GPI: variants seen among roughly 807,000 people sequenced by gnomAD.
GPI encodes glucose-6-phosphate isomerase.
Under a neutral mutation model 75.8 loss-of-function variants are expected in GPI, and 56 were observed. That is an observed-to-expected ratio of 0.74 (90% CI 0.60 to 0.92). GPI has a LOEUF of 0.92. GPI is among the 40% of genes least tolerant of loss of function. GPI has a pLI of 0.00. For synonymous variants in GPI, 288 were observed against 285.4 expected, an observed-to-expected ratio of 1.01 and a Z score of -0.09; for missense variants, 638 against 741.0, an observed-to-expected ratio of 0.86 and a Z score of 1.61.
intron 6 of GPI, 60 bp from the exon 7 acceptor site, chr19:34,378,874 G>A: frequency 2.3e-6 from 3 of 1,301,568 alleles, no homozygotes; most frequent in Admixed American, 3.4e-5. Flanking sequence ...CTGAACCCTG[G>A]CTCAAGGCCT....
At chr19:34,381,362 G>A in intron 8 of GPI, 104 bp from the exon 9 acceptor site, 1 of 826,982 alleles carries the variant, frequency 1.2e-6, no homozygotes, top group Non-Finnish European at 2.1e-6. Context: ...GGGAAGGTGA[G>A]GCTCAGCTCA....
chr19:34,377,327 AAAAAAAAAAATAT>A (rs2074556502), intron 4 of GPI, among the ~76,000 whole-genome samples, 163 bp from the exon 5 acceptor site: 2 of 93,054 alleles, frequency 2.1e-5, no homozygotes, highest in African/African-American at 1.0e-4. Context: ...AAAAAAAAAA[AAAAAAAAAAATAT>A]ATATATATAT....
intron 1 of GPI, chr19:34,366,078 G>A: frequency 1.5e-6 from 1 of 671,636 alleles, no homozygotes; most frequent in South Asian, 1.5e-5. Context: ...CCCTGGGAAG[G>A]GGTGGTCCCC....
chr19:34,371,570 G>T lies in GPI; in HGVS notation c.402+2868G>T, dbSNP rs982971729. On this transcript the variant is annotated intron_variant, in intron 4 of 17. Transcript: ENST00000356487. Reference sequence around the variant, plus strand: ...ATTGTAATAAAGATAGACACATTTGGCTTGGTGCAGTGGCTCACACCTGTA... The same window carrying T: ...ATTGTAATAAAGATAGACACATTTGTCTTGGTGCAGTGGCTCACACCTGTA... Among the ~76,000 whole-genome samples, 6 of 152,204 alleles carry T rather than the reference G, an allele frequency of 3.9e-5. No homozygotes were observed. In the East Asian group the frequency reaches 1.2e-3, roughly 29 times the overall value.
At chr19:34,391,277 G>A (rs1568344022) in intron 9 of GPI, among the ~76,000 whole-genome samples, 3 of 147,282 alleles carry the variant, frequency 2.0e-5, no homozygotes, top group East Asian at 4.0e-4. Context: ...ATCTGGGTCT[G>A]TCCATGTCTA....
intron 3 of GPI, chr19:34,367,095 C>T (rs1031142712): frequency 2.9e-5 from 19 of 652,148 alleles, no homozygotes; most frequent in Non-Finnish European, 5.3e-5. Flanking sequence ...TATCTCATAC[C>T]CACAGGGAGA....
intron 12 of GPI, among the ~76,000 whole-genome samples, chr19:34,395,672 T>C (rs1450560431): frequency 6.6e-6 from 1 of 152,152 alleles, no homozygotes; most frequent in African/African-American, 2.4e-5. Context: ...TTCCTGGGCA[T>C]GAGTCCTTCC....
In GPI at chr19:34,378,458, A is replaced by AC. The variant is rs8191375; in HGVS notation, c.634-469dup. Among the ~76,000 whole-genome samples, 69 of 150,720 alleles carry AC rather than the reference A, an allele frequency of 4.6e-4. 1 individual carries two copies. Among genetic ancestry groups the AC allele is most frequent in the African/African-American group, 1.1e-3 (43 of 40,938 alleles). On this transcript the variant is annotated intron_variant, in intron 6 of 17. Coordinates refer to ENST00000356487, the MANE Select transcript of GPI (RefSeq NM_000175.5). Reference sequence around the variant, plus strand: ...TTGAACTCCTGACCTCAGGTGATGCACCCCCCCTTGGCCTCCCAAAGTGCT... The same window carrying AC: ...TTGAACTCCTGACCTCAGGTGATGCACCCCCCCCTTGGCCTCCCAAAGTGCT...
chr19:34,363,633 A>G (rs1205724975), upstream of GPI, among the ~76,000 whole-genome samples: 1 of 152,210 alleles, frequency 6.6e-6, no homozygotes, highest in African/African-American at 2.4e-5. Context: ...CATCCTGGCC[A>G]ACATGGTGAA....
chr19:34,399,144 T>C, intron 14 of GPI, 63 bp from the exon 15 acceptor site: 1 of 1,555,700 alleles, frequency 6.4e-7, no homozygotes, highest in South Asian at 1.2e-5. Context: ...TACCAGGCGG[T>C]CTTGTCCCTC....
intron 14 of GPI, 87 bp from the exon 15 acceptor site, chr19:34,399,120 C>A: frequency 7.4e-7 from 1 of 1,354,792 alleles, no homozygotes; most frequent in Non-Finnish European, 1.0e-6. Flanking sequence ...CTGGGACTGA[C>A]CCCTGCTGAG....
Position 34,365,279 on chromosome 19 carries a change from AC to A in GPI, c.16del (p.Arg6GlyfsTer19). 1 of 1,577,396 alleles carries A rather than the reference AC, an allele frequency of 6.3e-7. No individual in the cohort carries two copies. ...TTCTAGTCCCGCCATGGCCGCTCTC[AC>A]CCGGGACCCCCAGTTCCAGAAGCTG... MAAL[T>X]RDPQFQKLQQ... On this transcript the variant is annotated frameshift_variant, in exon 1 of 18. Transcript: ENST00000356487. LOFTEE classifies it high-confidence loss of function.
chr19:34,366,536 T>TCTCATTAGAC, intron 2 of GPI, 101 bp downstream of exon 2: 1 of 853,116 alleles, frequency 1.2e-6, no homozygotes, highest in Non-Finnish European at 2.1e-6. Context: ...GAGTTCTTCC[T>TCTCATTAGAC]CTCATTAGAC....
At chr19:34,382,570 G>A (rs1376105608) in intron 9 of GPI, among the ~76,000 whole-genome samples, 2 of 152,050 alleles carry the variant, frequency 1.3e-5, no homozygotes, top group East Asian at 1.9e-4. Flanking sequence ...GAGACTGTGC[G>A]GCTTCTAATA....
At chr19:34,371,042 G>C (rs1238335902) in intron 4 of GPI, among the ~76,000 whole-genome samples, 1 of 152,256 alleles carries the variant, frequency 6.6e-6, no homozygotes, top group African/African-American at 2.4e-5. Context: ...GTGAGTGGCA[G>C]AGCTGAAGTG....
At position 34,399,830 on chromosome 19, in the gene GPI, G is replaced by T. The variant is rs372033581; in HGVS notation, c.1541+45G>T. 4 of 1,612,386 alleles carry T rather than the reference G, an allele frequency of 2.5e-6. No homozygotes were observed. In the African/African-American group the frequency reaches 5.3e-5, roughly 22 times the overall value. On this transcript the variant is annotated intron_variant, in intron 17 of 17. Transcript: ENST00000356487. ...GAGGGCCGGGAATACCTTTGTGTCG[G>T]CTCAGGGATTTCAGTAGCAACGTTA...
In GPI at chr19:34,393,984, A is replaced by G. The variant is rs2145422297; in HGVS notation, c.980A>G (p.Tyr327Cys). The change falls in exon 12 of 18, where the codon TAC (tyrosine) becomes TGC (cysteine). Residue 327 changes from tyrosine to cysteine, a missense_variant. Physicochemically the swap from Tyr to Cys is radical, Grantham distance 194. Coordinates refer to ENST00000356487, the MANE Select transcript of GPI (RefSeq NM_000175.5). This position sits in a 1 kb window ranked among gnomAD's most constrained non-coding sequence, Gnocchi z 4.4. ...TTGCTGGCCCTGCTGGGTATCTGGT[A>G]CATCAACTGCTTTGGGTGTGAGACA... ...PVLLALLGIW[Y>C]INCFGCETHA... 1 of 1,613,354 alleles carries G rather than the reference A, an allele frequency of 6.2e-7. No homozygotes were observed. Among genetic ancestry groups the G allele is most frequent in the East Asian group, 2.2e-5 (1 of 44,866 alleles).
rs2074897626 is a variant in GPI at position 34,393,534 on chromosome 19, C to G, written c.866-194C>G. On this transcript the variant is annotated intron_variant, in intron 10 of 17. Transcript: ENST00000356487. This position sits in a 1 kb window ranked among gnomAD's most constrained non-coding sequence, Gnocchi z 4.4. ...CTCACAACTGCAGTCCTGTTTCTCT[C>G]CTATCCTAGGCAGAGTCAGATCCCT... 5 of 711,482 alleles carry G rather than the reference C, an allele frequency of 7.0e-6. No homozygotes were observed. In the Admixed American group the frequency reaches 1.0e-4, roughly 15 times the overall value. The allele number at this position is 711,482 out of a possible 1,614,324, so 44.1% of individuals were successfully genotyped here. A position where few individuals can be genotyped will look rare whatever the true frequency, so the allele number is the denominator to read the frequency against.
chr19:34,393,363 G>C lies in GPI; in HGVS notation c.865+55G>C. The C allele has an allele frequency of 7.3e-7, 1 of 1,364,218 alleles. No homozygotes were observed. Among genetic ancestry groups the C allele is most frequent in the Non-Finnish European group, 1.1e-6 (1 of 951,498 alleles). 84.5% of individuals were successfully genotyped at this position (1,364,218 alleles called of 1,614,324 possible). A position where few individuals can be genotyped will look rare whatever the true frequency, so the allele number is the denominator to read the frequency against. ...TGTGGGAGACAGTGTTGCAGTCTAA[G>C]GTCGGGGTAGGGGGCTTGTGTCCCT... On this transcript the variant is annotated intron_variant, in intron 10 of 17. Coordinates refer to ENST00000356487, the MANE Select transcript of GPI (RefSeq NM_000175.5). The surrounding 1 kb of genome is among the most constrained non-coding windows in gnomAD (Gnocchi z 4.4).
Sources: gnomAD v4.1 joint callset for allele counts (sites outside exome capture counted in the v4.1 genomes callset) on GRCh38, gnomAD v4.1.1 for gene constraint, Gnocchi (gnomAD v3.1) non-coding constraint, MANE v1.5 for transcripts, NCBI Gene and HGNC (gene_info 2026-07-23, HGNC 2026-07-21) for gene names.